Variants in MDFIC observed in about 807,000 individuals in gnomAD.
MDFIC encodes MyoD family inhibitor domain containing, also known as myoD family inhibitor domain-containing protein.
A neutral mutation model predicts 23.2 loss-of-function variants in MDFIC; 17 were observed. That is an observed-to-expected ratio of 0.73 (90% CI 0.50 to 1.10). MDFIC has a LOEUF of 1.10. Ranked by LOEUF, MDFIC falls within the 50% of genes least tolerant of loss-of-function variation. The pLI, the probability that MDFIC is intolerant of heterozygous loss-of-function variation, is 0.00. For missense variants in MDFIC, 356 were observed against 316.6 expected, an observed-to-expected ratio of 1.12 and a Z score of -0.95; for synonymous variants, 120 against 115.2, an observed-to-expected ratio of 1.04 and a Z score of -0.27.
intron 4 of MDFIC, among the ~76,000 whole-genome samples, chr7:115,000,021 A>C (rs377539856): frequency 6.6e-6 from 1 of 152,170 alleles, no homozygotes; most frequent in Non-Finnish European, 1.5e-5. Context: ...ACTTGTTATT[A>C]ATGTCTTTAA....
intron 3 of MDFIC, among the ~76,000 whole-genome samples, chr7:114,948,989 T>C (rs554270598): frequency 6.6e-6 from 1 of 152,326 alleles, no homozygotes; most frequent in Non-Finnish European, 1.5e-5. Context: ...ATACTTTCCA[T>C]TGTGCTTAAG....
At chr7:114,991,713 C>G (rs1322386521) in intron 4 of MDFIC, among the ~76,000 whole-genome samples, 2 of 152,154 alleles carry the variant, frequency 1.3e-5, no homozygotes, top group Non-Finnish European at 2.9e-5. Context: ...GTCTATATCT[C>G]TGTTTTGGTA....
At chr7:114,933,041 A>G (rs1223738311) in intron 2 of MDFIC, among the ~76,000 whole-genome samples, 1 of 152,228 alleles carries the variant, frequency 6.6e-6, no homozygotes, top group Non-Finnish European at 1.5e-5. Flanking sequence ...GATTTCCACT[A>G]GCCTTCATTC....
chr7:114,926,509 AC>A (rs1792193390), intron 2 of MDFIC, among the ~76,000 whole-genome samples: 1 of 151,752 alleles, frequency 6.6e-6, no homozygotes, highest in African/African-American at 2.4e-5. Flanking sequence ...CTTTCCCCCA[AC>A]CCCCCAAGAC....
chr7:114,922,879 C>A, intron 1 of MDFIC, 48 bp from the exon 2 acceptor site: 1 of 1,530,544 alleles, frequency 6.5e-7, no homozygotes, highest in South Asian at 1.2e-5. Context: ...GTGGTGTGCT[C>A]TTCTCTAAAA....
At chr7:114,923,586 C>A in intron 2 of MDFIC, 1 of 1,525,584 alleles carries the variant, frequency 6.6e-7, no homozygotes, top group Non-Finnish European at 8.8e-7. Context: ...TGACCAGTAG[C>A]TTTGGAATGG....
Position 114,933,408 on chromosome 7 carries a change from G to A in MDFIC, c.95-8867G>A, listed in dbSNP as rs572220391. Among the ~76,000 whole-genome samples the A allele has an allele frequency of 7.9e-5, 12 of 152,172 alleles. No homozygotes were observed. In the South Asian group the frequency reaches 2.3e-3, roughly 29 times the overall value. On this transcript the variant is annotated intron_variant, in intron 2 of 4. Transcript: ENST00000393486. ...TGAGTAGCTGGGATTACAGGCATGG[G>A]CCACCATGCCCAGCTAATTTTTGTA...
At chr7:115,005,863 G>C (rs1261315479) in intron 4 of MDFIC, among the ~76,000 whole-genome samples, 1 of 152,182 alleles carries the variant, frequency 6.6e-6, no homozygotes, top group Non-Finnish European at 1.5e-5. Context: ...GAGGAATGTG[G>C]AAAGAGTAAC....
At chr7:114,944,571 G>A (rs571822433) in intron 3 of MDFIC, among the ~76,000 whole-genome samples, 1 of 152,266 alleles carries the variant, frequency 6.6e-6, no homozygotes, top group Admixed American at 6.5e-5. Context: ...TATTGTGGTA[G>A]CTTCTGCTAT....
chr7:114,967,308 T>C (rs1321071792), intron 3 of MDFIC, among the ~76,000 whole-genome samples: 2 of 152,208 alleles, frequency 1.3e-5, no homozygotes, highest in Non-Finnish European at 2.9e-5. Flanking sequence ...GGACATCTCC[T>C]GGAGGGTTTC....
chr7:114,942,669 C>T (rs537601236), intron 3 of MDFIC, among the ~76,000 whole-genome samples: 1 of 152,224 alleles, frequency 6.6e-6, no homozygotes, highest in African/African-American at 2.4e-5. Flanking sequence ...TTTTGAGTAA[C>T]AACTAAGTGG....
At chr7:114,947,402 G>A (rs1459267345) in intron 3 of MDFIC, among the ~76,000 whole-genome samples, 1 of 152,168 alleles carries the variant, frequency 6.6e-6, no homozygotes, top group Non-Finnish European at 1.5e-5. Flanking sequence ...TTTTAGAGGA[G>A]GATCTTTATG....
At chr7:114,975,615 G>C (rs1266926056) in intron 3 of MDFIC, among the ~76,000 whole-genome samples, 1 of 150,768 alleles carries the variant, frequency 6.6e-6, no homozygotes, top group East Asian at 2.0e-4. Context: ...AAGGAAATCT[G>C]TTTAAAGCCA....
chr7:114,967,220 A>G (rs1250433023), intron 3 of MDFIC, among the ~76,000 whole-genome samples: 1 of 152,230 alleles, frequency 6.6e-6, no homozygotes. Flanking sequence ...TCAGCCAGTC[A>G]TGGTCATCCT....
chr7:114,936,799 G>T (rs1025561940), intron 2 of MDFIC, among the ~76,000 whole-genome samples: 1 of 151,944 alleles, frequency 6.6e-6, no homozygotes, highest in Admixed American at 6.6e-5. Flanking sequence ...TTTCTTTATT[G>T]CATTGTTGAT....
intron 2 of MDFIC, among the ~76,000 whole-genome samples, chr7:114,925,771 A>G (rs1225317745): frequency 6.6e-6 from 1 of 152,216 alleles, no homozygotes; most frequent in Non-Finnish European, 1.5e-5. Flanking sequence ...TTTATGTATC[A>G]TCTCTCCATT....
Position 115,015,918 on chromosome 7 carries a change from AT to A in MDFIC, c.727del (p.Cys243ValfsTer34). 6.2e-7 allele frequency: 1 copy of A among 1,612,662 alleles called. No homozygotes were observed. The highest frequency in any genetic ancestry group is 1.3e-5 in the African/African-American group (1 of 74,996). On this transcript the variant is annotated frameshift_variant, in exon 5 of 5. Transcript: ENST00000393486. LOFTEE classifies it high-confidence loss of function. The stretch of plus-strand genomic sequence containing the variant: ...GGAAATCTGTATGGAATGCTGTGGA[AT>A]TTGTTTTCCTTCATAAATATTTATC... ...CLEICMECCGICFPS is the reference protein window; with the variant it reads ...CLEICMECCGXCFPS
At chr7:114,922,778 G>GTT (rs35262508) in intron 1 of MDFIC, 142 bp downstream of exon 1, 1,150,910 of 1,303,404 alleles carry the variant, frequency 0.88, 515,855 homozygotes, top group Non-Finnish European at 0.92. Context: ...AACTTGCGCT[G>GTT]TAACAGTTTT....
chr7:114,965,049 G>C lies in MDFIC; in HGVS notation c.218-14457G>C, dbSNP rs563834053. The stretch of plus-strand genomic sequence containing the variant: ...TTAAACAAATTTTGCTCTAGAGGCA[G>C]AGGAGGGAGCCACAAGGTTCCCAGC... On this transcript the variant is annotated intron_variant, in intron 3 of 4. Transcript: ENST00000393486. Among the ~76,000 whole-genome samples the C allele has an allele frequency of 7.9e-5, 12 of 152,316 alleles. No individual in the cohort carries two copies. The South Asian group carries it at 2.5e-3, about 32-fold the overall frequency.
Sources: gnomAD v4.1 joint callset for allele counts (sites outside exome capture counted in the v4.1 genomes callset) on GRCh38, gnomAD v4.1.1 for gene constraint, MANE v1.5 for transcripts, NCBI Gene and HGNC (gene_info 2026-07-23, HGNC 2026-07-21) for gene names.